FBXL17: variants seen among roughly 807,000 people sequenced by gnomAD.
FBXL17 encodes the protein F-box and leucine rich repeat protein 17.
FBXL17 carries 22 observed loss-of-function variants against 66.2 expected under a neutral mutation model. That is an observed-to-expected ratio of 0.33 (90% confidence interval 0.24 to 0.47). The LOEUF is 0.47. FBXL17 is among the 20% of genes least tolerant of loss of function. FBXL17 has a pLI of 1.00. For synonymous variants in FBXL17, 474 were observed against 400.5 expected (o/e 1.18, Z -2.19); for missense variants, 878 against 948.2 (o/e 0.93, Z 0.97).
At chr5:108,121,044 T>A (rs867563790) in intron 6 of FBXL17, among the ~76,000 whole-genome samples, 3 of 152,200 alleles carry the variant, frequency 2.0e-5, no homozygotes, top group African/African-American at 7.2e-5. Flanking sequence ...AAGAAAATCT[T>A]TTTGGCCGAG....
chr5:108,341,158 T>C (rs1238029493), intron 4 of FBXL17, among the ~76,000 whole-genome samples: 1 of 152,006 alleles, frequency 6.6e-6, no homozygotes, highest in Non-Finnish European at 1.5e-5. Flanking sequence ...AATAGAATAC[T>C]AACAATGAAA....
At chr5:108,266,966 T>C (rs187625500) in intron 4 of FBXL17, among the ~76,000 whole-genome samples, 147 of 152,244 alleles carry the variant, frequency 9.7e-4, no homozygotes, top group African/African-American at 3.4e-3. Flanking sequence ...TAGTTAGATT[T>C]AGATTTTAGA....
chr5:108,108,208 C>G (rs756637422), intron 6 of FBXL17, among the ~76,000 whole-genome samples: 1 of 152,216 alleles, frequency 6.6e-6, no homozygotes, highest in Admixed American at 6.5e-5. Flanking sequence ...TCCATTTAAT[C>G]TCTTATACTT....
intron 4 of FBXL17, among the ~76,000 whole-genome samples, chr5:108,309,157 G>A (rs547636557): frequency 3.1e-4 from 47 of 152,110 alleles, no homozygotes; most frequent in Middle Eastern, 3.4e-3. Flanking sequence ...GACCAAAGTC[G>A]TTTTTTAAAA....
chr5:108,051,558 C>T (rs1747474383), intron 6 of FBXL17, among the ~76,000 whole-genome samples: 1 of 152,192 alleles, frequency 6.6e-6, no homozygotes, highest in South Asian at 2.1e-4. Flanking sequence ...ACATTAAAAA[C>T]TCTCAATAAA....
intron 7 of FBXL17, among the ~76,000 whole-genome samples, chr5:107,942,595 TCAATCCCTTTACC>T (rs1240770725): frequency 1.3e-5 from 2 of 152,110 alleles, no homozygotes; most frequent in Non-Finnish European, 2.9e-5. Context: ...TCCACTTAAC[TCAATCCCTTTACC>T]CATCTTCCCC....
intron 4 of FBXL17, among the ~76,000 whole-genome samples, chr5:108,301,413 T>G (rs1162281196): frequency 6.6e-6 from 1 of 151,256 alleles, no homozygotes; most frequent in Non-Finnish European, 1.5e-5. Context: ...CTAAATTTAT[T>G]TTTACATATA....
At chr5:108,029,606 T>C (rs1283555082) in intron 6 of FBXL17, among the ~76,000 whole-genome samples, 1 of 152,170 alleles carries the variant, frequency 6.6e-6, no homozygotes, top group Non-Finnish European at 1.5e-5. Context: ...ACTGTGTTTA[T>C]GCAGAGAGAT....
intron 3 of FBXL17, among the ~76,000 whole-genome samples, chr5:108,360,554 T>C (rs989708074): frequency 1.3e-5 from 2 of 152,130 alleles, no homozygotes; most frequent in African/African-American, 4.8e-5. Context: ...CTATAATGTG[T>C]CTCAGTGTAT....
At chr5:107,888,063 C>T (rs1031914059) in intron 7 of FBXL17, among the ~76,000 whole-genome samples, 4 of 152,184 alleles carry the variant, frequency 2.6e-5, no homozygotes, top group Admixed American at 2.6e-4. Flanking sequence ...CATTTTTATA[C>T]ATTATTATAT....
chr5:107,880,647 T>C, intron 8 of FBXL17: 1 of 1,181,822 alleles, frequency 8.5e-7, no homozygotes. Flanking sequence ...GGCACTGTTC[T>C]TTCCACCTTT....
At chr5:108,354,129 T>G (rs1244383822) in intron 3 of FBXL17, among the ~76,000 whole-genome samples, 1 of 152,208 alleles carries the variant, frequency 6.6e-6, no homozygotes, top group East Asian at 1.9e-4. Flanking sequence ...TTTGGAACTT[T>G]GAATTAGGGA....
intron 6 of FBXL17, among the ~76,000 whole-genome samples, chr5:108,112,736 G>A (rs1223752841): frequency 6.7e-6 from 1 of 148,528 alleles, no homozygotes; most frequent in Non-Finnish European, 1.5e-5. Context: ...ACATGATCAA[G>A]AGTGAAATGA....
intron 3 of FBXL17, among the ~76,000 whole-genome samples, chr5:108,357,629 G>C (rs540488385): frequency 3.3e-5 from 5 of 151,954 alleles, no homozygotes; most frequent in Admixed American, 6.6e-5. Flanking sequence ...ATTATACAAT[G>C]TCTGCTCTCA....
At chr5:107,893,040 A>T (rs894354072) in intron 7 of FBXL17, among the ~76,000 whole-genome samples, 3 of 152,154 alleles carry the variant, frequency 2.0e-5, no homozygotes, top group Non-Finnish European at 4.4e-5. Context: ...TCTCAAGTCC[A>T]GCAATTATTT....
chr5:108,197,731 T>C (rs1247504799), intron 5 of FBXL17, among the ~76,000 whole-genome samples: 2 of 152,192 alleles, frequency 1.3e-5, no homozygotes, highest in African/African-American at 4.8e-5. Context: ...TTTAACTTAA[T>C]GAATGTTATG....
intron 7 of FBXL17, among the ~76,000 whole-genome samples, chr5:107,958,158 T>C (rs1751739287): frequency 6.6e-6 from 1 of 150,918 alleles, no homozygotes; most frequent in Non-Finnish European, 1.5e-5. Context: ...AAAAGAAACA[T>C]GAGTAAAAAG....
chr5:107,933,418 C>A (rs551598973), intron 7 of FBXL17, among the ~76,000 whole-genome samples: 1 of 152,256 alleles, frequency 6.6e-6, no homozygotes, highest in South Asian at 2.1e-4. Flanking sequence ...TTACGACTTA[C>A]AAACAATAAA....
intron 7 of FBXL17, among the ~76,000 whole-genome samples, chr5:108,008,182 T>C (rs1041882404): frequency 5.3e-5 from 8 of 152,168 alleles, no homozygotes; most frequent in African/African-American, 1.9e-4. Context: ...CATGTGCAAA[T>C]ATCAACATGC....
Sources: gnomAD v4.1 joint callset for allele counts (sites outside exome capture counted in the v4.1 genomes callset) on GRCh38, gnomAD v4.1.1 for gene constraint, MANE v1.5 for transcripts, NCBI Gene and HGNC (gene_info 2026-07-23, HGNC 2026-07-21) for gene names.